Variants in TIAM1 observed in about 807,000 individuals in gnomAD.
TIAM1 encodes the protein TIAM Rac1 associated GEF 1, also known as rho guanine nucleotide exchange factor TIAM1.
Under a neutral mutation model 163.5 loss-of-function variants are expected in TIAM1, and 65 were observed. That is an observed-to-expected ratio of 0.40 (90% CI 0.33 to 0.49). The LOEUF (loss-of-function observed/expected upper bound fraction) is 0.49, where lower values mean the gene tolerates loss of function less well. TIAM1 is among the 20% of genes least tolerant of loss of function. TIAM1 has a pLI of 0.77. For missense variants in TIAM1, 1,789 were observed against 2,044.7 expected (o/e 0.87, Z 2.41); for synonymous variants, 833 against 810.1 (o/e 1.03, Z -0.48).
intron 15 of TIAM1, among the ~76,000 whole-genome samples, chr21:31,166,035 T>C (rs928767568): frequency 1.3e-5 from 2 of 152,208 alleles, no homozygotes; most frequent in African/African-American, 2.4e-5. Context: ...CCTGGGGTGC[T>C]TCTCAAACTG....
intron 6 of TIAM1, among the ~76,000 whole-genome samples, chr21:31,237,105 G>A (rs1170413799): frequency 6.6e-6 from 1 of 152,204 alleles, no homozygotes; most frequent in Non-Finnish European, 1.5e-5. Context: ...ACCGATGGTT[G>A]AAAGCTGGGA....
chr21:31,347,312 G>C (rs2076164162), upstream of TIAM1, among the ~76,000 whole-genome samples: 1 of 152,136 alleles, frequency 6.6e-6, no homozygotes, highest in African/African-American at 2.4e-5. Flanking sequence ...AGAGGCCCCA[G>C]GCATTGGCCT....
chr21:31,315,042 G>A (rs992968552), intron 2 of TIAM1, among the ~76,000 whole-genome samples: 9 of 152,032 alleles, frequency 5.9e-5, no homozygotes, highest in African/African-American at 1.7e-4. Flanking sequence ...GCCAAACCTC[G>A]CACCAAAACC....
intron 16 of TIAM1, among the ~76,000 whole-genome samples, chr21:31,156,965 C>T (rs904384605): frequency 4.6e-5 from 7 of 152,232 alleles, no homozygotes; most frequent in Non-Finnish European, 8.8e-5. Context: ...AAAGCTACTG[C>T]TCATAGCAAA....
chr21:31,257,176 C>A (rs2146772880), intron 4 of TIAM1, among the ~76,000 whole-genome samples: 1 of 152,336 alleles, frequency 6.6e-6, no homozygotes, highest in Middle Eastern at 3.4e-3. Context: ...AATTGCCATC[C>A]CTGATTTGCC....
chr21:31,205,492 C>T (rs142971233), intron 11 of TIAM1, among the ~76,000 whole-genome samples: 164 of 152,332 alleles, frequency 1.1e-3, no homozygotes, highest in African/African-American at 3.7e-3. Context: ...AGACAGCCCA[C>T]TGTCAGGCAC....
intron 2 of TIAM1, among the ~76,000 whole-genome samples, chr21:31,297,674 G>A (rs1243529969): frequency 2.3e-4 from 35 of 152,182 alleles, no homozygotes; most frequent in Non-Finnish European, 1.3e-4. Flanking sequence ...ATGAGCCACC[G>A]TGCCCGGCCA....
intron 18 of TIAM1, 150 bp downstream of exon 18, chr21:31,152,916 C>T (rs2083447511): frequency 1.6e-6 from 2 of 1,272,194 alleles, no homozygotes; most frequent in Non-Finnish European, 2.2e-6. Context: ...TTCATGAGCA[C>T]ACCAAAGCTT....
intron 15 of TIAM1, among the ~76,000 whole-genome samples, chr21:31,176,090 G>C (rs547647648): frequency 2.0e-5 from 3 of 152,272 alleles, no homozygotes; most frequent in African/African-American, 7.2e-5. Context: ...TGTTTGATGG[G>C]CACAACTTGG....
Position 31,337,521 on chromosome 21 carries a change from A to G in TIAM1, c.-189+1722T>C, listed in dbSNP as rs60443735. On this transcript the variant is annotated intron_variant, in intron 2 of 27. Transcript: ENST00000541036. ...TGTTTTTATTATTATTATTGTTGTT[A>G]TTATTATTATTATTATTATTATTAT... Among the ~76,000 whole-genome samples, 937 of 113,452 alleles carry G rather than the reference A, an allele frequency of 8.3e-3. 5 individuals are homozygous for G. The highest frequency in any genetic ancestry group is 0.044 in the East Asian group (75 of 1,710). The allele number at this position is 113,452 out of a possible 152,430, so 74.4% of individuals were successfully genotyped here. A position where few individuals can be genotyped will look rare whatever the true frequency, so the allele number is the denominator to read the frequency against.
rs1364073342 is a variant in TIAM1 at position 31,210,760 on chromosome 21, AAGAAAGAAAG to A, written c.2218-555_2218-546del. On this transcript the variant is annotated intron_variant, in intron 10 of 27. Transcript: ENST00000541036. ...GAAGGAAGGAAGGGAGAAAGAAAGAAAGAAAGAAAGAAAGAAAGAAAGAAAGAAAGAAAGA... is the reference window on the plus strand; with the variant it reads ...GAAGGAAGGAAGGGAGAAAGAAAGAAAAAGAAAGAAAGAAAGAAAGAAAGA... Among the ~76,000 whole-genome samples the A allele has an allele frequency of 1.3e-4, 15 of 115,852 alleles. 1 individual carries two copies. The South Asian group carries it at 2.5e-3, about 19-fold the overall frequency. 76.0% of individuals were successfully genotyped at this position (115,852 alleles called of 152,430 possible).
rs572296500 is a variant in TIAM1, at chr21:31,460,768, G to A, written c.-369+3215C>T. ...ACACATTATGACACCAATTATATCTGAATGCATTATAAAACAGAATCTTTG... is the reference window on the plus strand; with the variant it reads ...ACACATTATGACACCAATTATATCTAAATGCATTATAAAACAGAATCTTTG... On this transcript the variant is annotated intron_variant, in intron 2 of 28. Transcript: ENST00000286827. Among the ~76,000 whole-genome samples, 3 of 152,282 alleles carry A rather than the reference G, an allele frequency of 2.0e-5. No homozygotes were observed. The South Asian group carries it at 6.2e-4, about 32-fold the overall frequency.
chr21:31,223,669 C>G, intron 7 of TIAM1, 78 bp from the exon 8 acceptor site: 1 of 1,383,334 alleles, frequency 7.2e-7, no homozygotes, highest in Non-Finnish European at 9.7e-7. Context: ...CTATACAGAT[C>G]TATATGTCGT....
At chr21:31,164,861 A>G (rs1296995563) in intron 16 of TIAM1, 101 bp downstream of exon 16, 7 of 1,197,836 alleles carry the variant, frequency 5.8e-6, no homozygotes, top group Non-Finnish European at 7.2e-6. Flanking sequence ...CACTTCGTCC[A>G]TGGAGAGGCC....
chr21:31,183,930 C>T (rs1038095728), intron 14 of TIAM1, among the ~76,000 whole-genome samples: 1 of 147,866 alleles, frequency 6.8e-6, no homozygotes, highest in Non-Finnish European at 1.5e-5. Context: ...CTCAGGTGAT[C>T]CAAATTTTTT....
At chr21:31,388,259 A>ACACACACACACACACACACACACACAC (rs1555964695) in intron 2 of TIAM1, among the ~76,000 whole-genome samples, 2 of 98,098 alleles carry the variant, frequency 2.0e-5, no homozygotes, top group Admixed American at 9.8e-5. Flanking sequence ...ACACACACAC[A>ACACACACACACACACACACACACACAC]ACCTCTTACG....
chr21:31,369,316 T>C (rs1010702330), intron 2 of TIAM1, among the ~76,000 whole-genome samples: 2 of 151,788 alleles, frequency 1.3e-5, no homozygotes, highest in Admixed American at 1.3e-4. Flanking sequence ...GGTGCTTTGG[T>C]CTCAATGTCT....
chr21:31,214,646 G>C (rs1261133735), intron 9 of TIAM1, among the ~76,000 whole-genome samples: 1 of 152,036 alleles, frequency 6.6e-6, no homozygotes, highest in Admixed American at 6.6e-5. Context: ...TTAGAATAGG[G>C]TAACAATGCC....
chr21:31,465,695 G>T (rs893426887), intron 1 of TIAM1, among the ~76,000 whole-genome samples: 2 of 151,722 alleles, frequency 1.3e-5, no homozygotes, highest in Admixed American at 6.6e-5. Flanking sequence ...CTCAGCCTCC[G>T]GAGTAGCTGG....
Sources: gnomAD v4.1 joint callset for allele counts (sites outside exome capture counted in the v4.1 genomes callset) on GRCh38, gnomAD v4.1.1 for gene constraint, MANE v1.5 for transcripts, NCBI Gene and HGNC (gene_info 2026-07-23, HGNC 2026-07-21) for gene names.